Variants in FIBCD1 observed in about 807,000 individuals in gnomAD.
FIBCD1 encodes the protein fibrinogen C domain containing 1.
In FIBCD1, 47 loss-of-function variants were observed where a neutral mutation model predicts 45.1. The ratio of observed to expected loss-of-function variants is 1.04; its 90% confidence interval spans 0.82 to 1.33. The LOEUF (loss-of-function observed/expected upper bound fraction) is 1.33, where lower values mean the gene tolerates loss of function less well. Ranked by LOEUF, FIBCD1 falls within the 40% of genes most tolerant of loss-of-function variation. The pLI, the probability that FIBCD1 is intolerant of heterozygous loss-of-function variation, is 0.00. For missense variants in FIBCD1, 653 were observed against 682.2 expected (o/e 0.96, Z 0.48); for synonymous variants, 313 against 308.1 (o/e 1.02, Z -0.17).
intron 2 of FIBCD1, among the ~76,000 whole-genome samples, chr9:130,927,628 G>A (rs550865634): frequency 8.5e-5 from 13 of 152,326 alleles, no homozygotes; most frequent in South Asian, 6.2e-4. Flanking sequence ...AATCAACCCC[G>A]GCTGGGGGGC....
chr9:130,930,385 C>T (rs1003293738), intron 1 of FIBCD1, among the ~76,000 whole-genome samples: 2 of 143,938 alleles, frequency 1.4e-5, no homozygotes, highest in Non-Finnish European at 3.1e-5. Context: ...CAGGGAGATG[C>T]GGGGAGACAT....
rs1481966267 is a variant in FIBCD1 at position 130,911,900 on chromosome 9, A to G, written c.850-12T>C. On this transcript the variant is annotated splice_polypyrimidine_tract_variant and intron_variant, in intron 4 of 6. Transcript: ENST00000372338. The stretch of plus-strand genomic sequence containing the variant: ...CGGCGCTGAAACACCTGCAAAGGGA[A>G]GATGGGGATGGGGCGTTGGCACCGA... 1 of 1,563,554 alleles carries G rather than the reference A, an allele frequency of 6.4e-7. No individual in the cohort carries two copies. The highest frequency in any genetic ancestry group is 1.4e-5 in the African/African-American group (1 of 73,418).
intron 1 of FIBCD1, among the ~76,000 whole-genome samples, chr9:130,934,915 A>C (rs1832496107): frequency 2.0e-5 from 3 of 152,128 alleles, no homozygotes; most frequent in African/African-American, 7.2e-5. Flanking sequence ...AGCCTAGCAC[A>C]GTGACCTCAA....
intron 1 of FIBCD1, chr9:130,933,728 G>T (rs1357968213): frequency 1.2e-4 from 11 of 93,880 alleles, no homozygotes; most frequent in African/African-American, 1.9e-4. Flanking sequence ...GCGGGCGGGT[G>T]GGGGGGGGGC....
intron 2 of FIBCD1, 47 bp from the exon 3 acceptor site, chr9:130,924,443 G>A (rs753897161): frequency 1.3e-6 from 2 of 1,541,888 alleles, no homozygotes; most frequent in East Asian, 2.3e-5. Context: ...CTCTGTTGGG[G>A]GTGGGGTGGC....
intron 4 of FIBCD1, among the ~76,000 whole-genome samples, chr9:130,921,246 A>G (rs576951567): frequency 6.6e-6 from 1 of 152,370 alleles, no homozygotes; most frequent in African/African-American, 2.4e-5. Context: ...ATTGGCGCTG[A>G]AGGCCTAGCA....
At chr9:130,933,727 T>TGGGGGGAGGGGGGGGGGGGGGG (rs1832476144) in intron 1 of FIBCD1, 4 of 51,446 alleles carry the variant, frequency 7.8e-5, no homozygotes, top group Admixed American at 1.7e-4. Flanking sequence ...GGCGGGCGGG[T>TGGGGGGAGGGGGGGGGGGGGGG]GGGGGGGGGG....
chr9:130,928,504 G>T (rs1054323919), intron 2 of FIBCD1, among the ~76,000 whole-genome samples: 1 of 152,256 alleles, frequency 6.6e-6, no homozygotes, highest in Non-Finnish European at 1.5e-5. Flanking sequence ...CCTCTACCCC[G>T]GGAGGGGGAA....
chr9:130,938,241 TC>T, intron 1 of FIBCD1: 1 of 340,388 alleles, frequency 2.9e-6, no homozygotes, highest in Non-Finnish European at 5.4e-6. Context: ...GAACTGTAAG[TC>T]CCCGCCTCCC....
In FIBCD1 at chr9:130,922,400, G is replaced by C. The variant is rs1387942134; in HGVS notation, c.849+1344C>G. On this transcript the variant is annotated intron_variant, in intron 4 of 6. Coordinates refer to ENST00000372338, the MANE Select transcript of FIBCD1 (RefSeq NM_032843.5). This position sits in a 1 kb window ranked among gnomAD's most constrained non-coding sequence, Gnocchi z 4.5. ...CCCACTTTCTTGTGCTTGCAGTTAAGAGGTCTAAGGATGTAGGTGGGCATC... is the reference window on the plus strand; with the variant it reads ...CCCACTTTCTTGTGCTTGCAGTTAACAGGTCTAAGGATGTAGGTGGGCATC... 2.0e-5 allele frequency among the ~76,000 whole-genome samples: 3 copies of C among 152,178 alleles called. No individual in the cohort carries two copies. Among genetic ancestry groups the C allele is most frequent in the Non-Finnish European group, 4.4e-5 (3 of 68,042 alleles).
Position 130,904,239 on chromosome 9 carries a change from A to G in FIBCD1, c.1211T>C (p.Phe404Ser). Residue 404 changes from phenylalanine to serine, a missense_variant, in exon 7 of 7, where the codon TTC (phenylalanine) becomes TCC (serine). Coordinates refer to ENST00000372338, the MANE Select transcript of FIBCD1 (RefSeq NM_032843.5). ...SDHSENNCAA[F>S]YRGAWWYRNC... is the part of the protein sequence containing the mutation. ...GCGGTACCACCAGGCACCGCGGTAG[A>G]AGGCGGCACAGTTGTTCTCTGAATG... 6.2e-7 allele frequency: 1 copy of G among 1,613,632 alleles called. No individual in the cohort carries two copies. Among genetic ancestry groups the G allele is most frequent in the Non-Finnish European group, 8.5e-7 (1 of 1,179,960 alleles).
intron 4 of FIBCD1, among the ~76,000 whole-genome samples, chr9:130,916,267 C>G (rs764592379): frequency 1.2e-4 from 19 of 152,216 alleles, no homozygotes; most frequent in Non-Finnish European, 2.5e-4. Context: ...CTATTCCACT[C>G]TATTTGATTG....
At chr9:130,921,348 G>A (rs1252772596) in intron 4 of FIBCD1, among the ~76,000 whole-genome samples, 3 of 152,250 alleles carry the variant, frequency 2.0e-5, no homozygotes, top group Non-Finnish European at 4.4e-5. Context: ...AGTTTCTGAC[G>A]GATTCCATGT....
At chr9:130,905,694 G>A (rs1035583922) in intron 5 of FIBCD1, among the ~76,000 whole-genome samples, 1 of 152,212 alleles carries the variant, frequency 6.6e-6, no homozygotes, top group East Asian at 1.9e-4. Context: ...GAAGACTGCA[G>A]GAGGCGGGAG....
chr9:130,931,642 G>A (rs919622555), intron 1 of FIBCD1, among the ~76,000 whole-genome samples: 1 of 152,268 alleles, frequency 6.6e-6, no homozygotes, highest in South Asian at 2.1e-4. Context: ...GGCCGCACAC[G>A]CTCTCGGAGG....
chr9:130,931,508 AAAAAAACAAAAAAC>A (rs369896228), intron 1 of FIBCD1, among the ~76,000 whole-genome samples: 47 of 152,206 alleles, frequency 3.1e-4, no homozygotes, highest in African/African-American at 8.2e-4. Flanking sequence ...ACTCCGTCTC[AAAAAAACAAAAAAC>A]AAAAAACAAA....
At position 130,908,790 on chromosome 9, in the gene FIBCD1, TGTC is replaced by T. The variant is rs1474169780; in HGVS notation, c.946+2999_946+3001del. ...CCACACGGGGTGTGACCTTCCCTGTTGTCGGCACCCCCTGGGCACCAGGGCACG... is the reference window on the plus strand; with the variant it reads ...CCACACGGGGTGTGACCTTCCCTGTTGGCACCCCCTGGGCACCAGGGCACG... On this transcript the variant is annotated intron_variant, in intron 5 of 6. Transcript: ENST00000372338. Among the ~76,000 whole-genome samples the T allele has an allele frequency of 3.9e-5, 6 of 152,098 alleles. No homozygotes were observed. In the East Asian group the frequency reaches 9.7e-4, roughly 24 times the overall value.
At chr9:130,917,961 C>G (rs1832195867) in intron 4 of FIBCD1, among the ~76,000 whole-genome samples, 1 of 152,104 alleles carries the variant, frequency 6.6e-6, no homozygotes, top group African/African-American at 2.4e-5. Flanking sequence ...GTGGCTTCTC[C>G]CCTGCAAAAC....
At chr9:130,924,135 G>A (rs924876945) in intron 3 of FIBCD1, 102 bp downstream of exon 3, 16 of 1,407,366 alleles carry the variant, frequency 1.1e-5, no homozygotes, top group African/African-American at 1.4e-5. Context: ...AAGTAGGGTC[G>A]GGCCCTGGAG....
Sources: allele counts gnomAD v4.1 joint callset (sites outside exome capture counted in the v4.1 genomes callset), GRCh38; gene constraint gnomAD v4.1.1; non-coding constraint Gnocchi (gnomAD v3.1); transcripts MANE v1.5; gene names NCBI Gene and HGNC (gene_info 2026-07-23, HGNC 2026-07-21).